MAD1L1: variants seen among roughly 807,000 people sequenced by gnomAD.
The protein encoded by MAD1L1 is mitotic spindle assembly checkpoint protein MAD1.
In MAD1L1, 95 loss-of-function variants were observed where a neutral mutation model predicts 96.9. The ratio of observed to expected loss-of-function variants is 0.98; its 90% confidence interval spans 0.83 to 1.16. MAD1L1 has a LOEUF of 1.16. Ranked by LOEUF, MAD1L1 falls within the 50% of genes most tolerant of loss-of-function variation. The pLI is 0.00. For missense variants in MAD1L1, 1,007 were observed against 954.4 expected (o/e 1.06, Z -0.73); for synonymous variants, 473 against 396.6 (o/e 1.19, Z -2.29).
intron 18 of MAD1L1, among the ~76,000 whole-genome samples, chr7:1,821,566 C>A (rs1412037508): frequency 1.3e-5 from 2 of 152,072 alleles, no homozygotes; most frequent in African/African-American, 4.8e-5. Flanking sequence ...CAGCAACACA[C>A]GAAAAAGAGT....
chr7:2,045,353 C>A (rs996624929), intron 12 of MAD1L1, among the ~76,000 whole-genome samples: 4 of 152,114 alleles, frequency 2.6e-5, no homozygotes, highest in African/African-American at 9.7e-5. Flanking sequence ...TCTCTGTGTC[C>A]CTGTGAGAGT....
At chr7:2,186,969 T>C (rs1791490854) in intron 10 of MAD1L1, among the ~76,000 whole-genome samples, 1 of 151,998 alleles carries the variant, frequency 6.6e-6, no homozygotes, top group African/African-American at 2.4e-5. Flanking sequence ...AATTTTTTAT[T>C]TTTAGTAGAG....
At position 2,215,936 on chromosome 7, in the gene MAD1L1, C is replaced by T. The variant is rs1793249764; in HGVS notation, c.873G>A (p.Gly291=). ...GCGTCTCCTGCATCTTCTCCTGGCG[C>T]CCCAGCTTCCTCTGCAGCCCTTCCA... ...EELEGLQRKL[G]RQEKMQETLV... The change falls in exon 9 of 19, where the codon GGG becomes GGA. Residue 291 remains glycine (G), a synonymous_variant. Coordinates refer to ENST00000265854, the MANE Select transcript of MAD1L1 (RefSeq NM_001013836.2). 2.5e-6 allele frequency: 4 copies of T among 1,614,224 alleles called. No individual in the cohort carries two copies. The East Asian group carries it at 8.9e-5, about 36-fold the overall frequency.
At chr7:2,132,577 C>T (rs533779366) in intron 11 of MAD1L1, among the ~76,000 whole-genome samples, 1 of 152,348 alleles carries the variant, frequency 6.6e-6, no homozygotes, top group East Asian at 1.9e-4. Flanking sequence ...CCCTGGCAAC[C>T]ACCGATCTTT....
chr7:1,856,060 C>T (rs1784235585), intron 18 of MAD1L1, among the ~76,000 whole-genome samples: 1 of 152,186 alleles, frequency 6.6e-6, no homozygotes, highest in Admixed American at 6.5e-5. Flanking sequence ...TCATAAAGTG[C>T]TAATCCCAGT....
At chr7:1,827,149 C>T (rs555546755) in intron 18 of MAD1L1, among the ~76,000 whole-genome samples, 85 of 152,236 alleles carry the variant, frequency 5.6e-4, no homozygotes, top group African/African-American at 2.0e-3. Context: ...GCTCCAAGGG[C>T]CGTGGAAGGG....
chr7:2,007,348 G>A (rs888165606), intron 13 of MAD1L1, among the ~76,000 whole-genome samples: 2 of 152,242 alleles, frequency 1.3e-5, no homozygotes, highest in African/African-American at 4.8e-5. Flanking sequence ...GACCCCGCGT[G>A]TTGCCACGGT....
intron 16 of MAD1L1, among the ~76,000 whole-genome samples, chr7:1,939,674 A>G (rs1342934577): frequency 6.6e-6 from 1 of 152,224 alleles, no homozygotes; most frequent in East Asian, 1.9e-4. Context: ...CCAGAGGGGA[A>G]CAGGGAAACA....
chr7:1,906,306 G>A (rs371158530), intron 17 of MAD1L1, among the ~76,000 whole-genome samples: 22 of 152,268 alleles, frequency 1.4e-4, no homozygotes, highest in African/African-American at 5.3e-4. Flanking sequence ...GGATAACCCC[G>A]GCCATGCAGA....
Position 1,980,130 on chromosome 7 carries a change from GGTGGAC to G in MAD1L1, c.1505+317_1505+322del, listed in dbSNP as rs990144668. ...CTGGAGAGGGGGACAGGAGGCTGCC[GGTGGAC>G]GTGTCTCCCGCACTCCCCTCCTCTG... On this transcript the variant is annotated intron_variant, in intron 15 of 18. Coordinates refer to ENST00000265854, the MANE Select transcript of MAD1L1 (RefSeq NM_001013836.2). Among the ~76,000 whole-genome samples, 31 of 152,260 alleles carry G rather than the reference GGTGGAC, an allele frequency of 2.0e-4. No homozygotes were observed. In the South Asian group the frequency reaches 2.7e-3, roughly 13 times the overall value.
At chr7:2,187,146 G>A (rs750273195) in intron 10 of MAD1L1, among the ~76,000 whole-genome samples, 8 of 151,778 alleles carry the variant, frequency 5.3e-5, no homozygotes, top group Non-Finnish European at 1.2e-4. Context: ...TCAGGAGTTC[G>A]AGACCAGCCT....
chr7:1,830,516 A>G (rs1200531894), intron 18 of MAD1L1, among the ~76,000 whole-genome samples: 1 of 152,274 alleles, frequency 6.6e-6, no homozygotes, highest in African/African-American at 2.4e-5. Context: ...CAACATTTAC[A>G]ATTATTATTT....
rs1794227073 is a variant in MAD1L1, at chr7:2,232,183, T to TAA, written c.-190+687_-190+688dup. Among the ~76,000 whole-genome samples the TAA allele has an allele frequency of 3.9e-5, 6 of 152,200 alleles. No individual in the cohort carries two copies. The South Asian group carries it at 1.2e-3, about 31-fold the overall frequency. On this transcript the variant is annotated intron_variant, in intron 1 of 18. Coordinates refer to ENST00000265854, the MANE Select transcript of MAD1L1 (RefSeq NM_001013836.2). ...CAACTAGGGAACAGCCAAGCGCGTTTAAAAGCCAAAGGTAGAACTTCTGCA... is the reference window on the plus strand; with the variant it reads ...CAACTAGGGAACAGCCAAGCGCGTTTAAAAAAGCCAAAGGTAGAACTTCTGCA...
chr7:1,922,421 A>G (rs565359366), intron 17 of MAD1L1, among the ~76,000 whole-genome samples: 2 of 152,344 alleles, frequency 1.3e-5, no homozygotes, highest in East Asian at 3.9e-4. Flanking sequence ...CCACATGTGC[A>G]CTGCTATTGT....
chr7:1,888,561 C>A (rs897782708), intron 18 of MAD1L1, among the ~76,000 whole-genome samples: 1 of 147,950 alleles, frequency 6.8e-6, no homozygotes, highest in East Asian at 2.1e-4. Flanking sequence ...AGCATGCATG[C>A]ATGTGGCTGT....
chr7:1,827,950 G>A (rs1365098281), intron 18 of MAD1L1, among the ~76,000 whole-genome samples: 1 of 152,200 alleles, frequency 6.6e-6, no homozygotes, highest in Non-Finnish European at 1.5e-5. Flanking sequence ...GACGTTTCGT[G>A]GAGCGCCACG....
At chr7:2,199,026 G>A (rs1350695682) in intron 10 of MAD1L1, among the ~76,000 whole-genome samples, 1 of 152,190 alleles carries the variant, frequency 6.6e-6, no homozygotes, top group East Asian at 1.9e-4. Flanking sequence ...GGCCTTGGGC[G>A]GGGCTATCCA....
At chr7:2,231,141 T>C (rs1392669599) in intron 1 of MAD1L1, among the ~76,000 whole-genome samples, 1 of 151,536 alleles carries the variant, frequency 6.6e-6, no homozygotes, top group Non-Finnish European at 1.5e-5. Flanking sequence ...TCTAATAAAA[T>C]ACAAAAACTA....
chr7:1,881,984 G>GC (rs1457452131), intron 18 of MAD1L1, among the ~76,000 whole-genome samples: 1 of 152,174 alleles, frequency 6.6e-6, no homozygotes, highest in East Asian at 1.9e-4. Flanking sequence ...GTGTCCTTGG[G>GC]CCCCACAGCT....
Sources: gnomAD v4.1 joint callset for allele counts (sites outside exome capture counted in the v4.1 genomes callset) on GRCh38, gnomAD v4.1.1 for gene constraint, MANE v1.5 for transcripts, NCBI Gene and HGNC (gene_info 2026-07-23, HGNC 2026-07-21) for gene names.